The following SMOC2 variants were observed in gnomAD, a reference collection of about 807,000 sequenced individuals.
The protein encoded by SMOC2 is SPARC related modular calcium binding 2.
SMOC2 carries 39 observed loss-of-function variants against 61.4 expected under a neutral mutation model. The observed-to-expected ratio is 0.64, with a 90% CI of 0.49 to 0.83. The LOEUF (loss-of-function observed/expected upper bound fraction) is 0.83. SMOC2 is among the 40% of genes least tolerant of loss of function. The pLI is 0.00. For synonymous variants in SMOC2, 247 were observed against 239.9 expected (o/e 1.03, Z -0.27); for missense variants, 556 against 592.9 (o/e 0.94, Z 0.65).
At chr6:168,492,719 C>T (rs1274691783) in intron 1 of SMOC2, among the ~76,000 whole-genome samples, 1 of 152,206 alleles carries the variant, frequency 6.6e-6, no homozygotes, top group Non-Finnish European at 1.5e-5. Context: ...CACTGTCTCA[C>T]AGGACAAAAT....
intron 1 of SMOC2, among the ~76,000 whole-genome samples, chr6:168,506,116 T>TC (rs1282887959): frequency 2.6e-5 from 4 of 152,010 alleles, no homozygotes; most frequent in Non-Finnish European, 5.9e-5. Flanking sequence ...CAAGTGAGCC[T>TC]CCCACCTCAG....
intron 1 of SMOC2, among the ~76,000 whole-genome samples, chr6:168,507,138 C>T (rs182922382): frequency 2.6e-5 from 4 of 152,190 alleles, no homozygotes; most frequent in Non-Finnish European, 4.4e-5. Flanking sequence ...GAAAAAATGT[C>T]GAGACTGTCT....
At chr6:168,530,642 C>A (rs1448439699) in intron 4 of SMOC2, among the ~76,000 whole-genome samples, 2 of 143,872 alleles carry the variant, frequency 1.4e-5, no homozygotes, top group East Asian at 2.0e-4. Context: ...GTGCAACCCC[C>A]CCCCCCCCGC....
At chr6:168,628,966 A>G (rs1429324012) in intron 9 of SMOC2, among the ~76,000 whole-genome samples, 5 of 152,232 alleles carry the variant, frequency 3.3e-5, no homozygotes, top group Non-Finnish European at 7.3e-5. Flanking sequence ...GGCCCGGGAC[A>G]TGGGCTGCGC....
chr6:168,570,147 G>A (rs1784632528), intron 7 of SMOC2, among the ~76,000 whole-genome samples: 1 of 151,102 alleles, frequency 6.6e-6, no homozygotes, highest in Non-Finnish European at 1.5e-5. Flanking sequence ...TGGGGGTCGG[G>A]GGAGGGCTCA....
chr6:168,620,690 G>A (rs2342640), intron 9 of SMOC2, among the ~76,000 whole-genome samples: 135,719 of 152,210 alleles, frequency 0.89, 60,655 homozygotes, highest in Middle Eastern at 0.98. Flanking sequence ...GACACTGTGC[G>A]GAGAGAGGAG....
At chr6:168,454,173 C>T (rs997063285) in intron 1 of SMOC2, among the ~76,000 whole-genome samples, 2 of 152,136 alleles carry the variant, frequency 1.3e-5, no homozygotes, top group Non-Finnish European at 2.9e-5. Flanking sequence ...TCTGTGTCCT[C>T]CTGTGACTCT....
At chr6:168,623,646 T>A (rs1786307026) in intron 9 of SMOC2, among the ~76,000 whole-genome samples, 1 of 152,076 alleles carries the variant, frequency 6.6e-6, no homozygotes, top group African/African-American at 2.4e-5. Context: ...AATAATTATT[T>A]TTTTTATTTT....
At chr6:168,556,459 C>T (rs1375823414) in intron 7 of SMOC2, among the ~76,000 whole-genome samples, 1 of 152,084 alleles carries the variant, frequency 6.6e-6, no homozygotes, top group Admixed American at 6.5e-5. Context: ...GCAGACTGTG[C>T]GGGCCCTGGG....
At chr6:168,518,183 C>T (rs986139930) in intron 2 of SMOC2, among the ~76,000 whole-genome samples, 1 of 152,198 alleles carries the variant, frequency 6.6e-6, no homozygotes, top group South Asian at 2.1e-4. Context: ...CACAAGCGCC[C>T]GGGGCCGGAG....
At chr6:168,540,902 CTG>C (rs1783863680) in intron 4 of SMOC2, among the ~76,000 whole-genome samples, 1 of 152,204 alleles carries the variant, frequency 6.6e-6, no homozygotes, top group African/African-American at 2.4e-5. Flanking sequence ...CCTCTCACGT[CTG>C]TGCCGCAGAC....
chr6:168,626,888 C>T (rs1786426260), intron 9 of SMOC2, among the ~76,000 whole-genome samples: 1 of 152,158 alleles, frequency 6.6e-6, no homozygotes, highest in Admixed American at 6.5e-5. Flanking sequence ...CCTGACAGCC[C>T]AGTTCTCTGT....
intron 1 of SMOC2, among the ~76,000 whole-genome samples, chr6:168,448,101 C>T (rs1375185355): frequency 6.6e-6 from 1 of 152,160 alleles, no homozygotes; most frequent in Non-Finnish European, 1.5e-5. Flanking sequence ...CCACATCAGG[C>T]CCAAACCGAC....
rs567395635 is a variant in SMOC2 at position 168,454,893 on chromosome 6, G to T, written c.84+13439G>T. ...CTACAGGTGCACATCCTGTGGCCGG[G>T]GTCCCTGTGGCCAGGGTCCCGGTTT... On this transcript the variant is annotated intron_variant, in intron 1 of 12. Coordinates refer to ENST00000356284, the MANE Select transcript of SMOC2 (RefSeq NM_001166412.2). Among the ~76,000 whole-genome samples the T allele has an allele frequency of 3.9e-5, 6 of 152,264 alleles. No homozygotes were observed. In the East Asian group the frequency reaches 1.2e-3, roughly 30 times the overall value.
chr6:168,599,309 A>ACAC lies in SMOC2; in HGVS notation c.824+306_824+307insACC, dbSNP rs1554247691. ...CCACACACACACATACCACACACAC[A>ACAC]CCCCCACACTGTTTCACACACACTC... On this transcript the variant is annotated intron_variant, in intron 8 of 12. Transcript: ENST00000356284. Among the ~76,000 whole-genome samples, 9 of 101,690 alleles carry ACAC rather than the reference A, an allele frequency of 8.9e-5. No individual in the cohort carries two copies. In the South Asian group the frequency reaches 9.5e-4, roughly 11 times the overall value. The allele number at this position is 101,690 out of a possible 152,430, so 66.7% of individuals were successfully genotyped here. A position where few individuals can be genotyped will look rare whatever the true frequency, so the allele number is the denominator to read the frequency against.
In SMOC2 at chr6:168,652,984, A is replaced by G. The variant is rs1787234000; in HGVS notation, c.1041A>G (p.Leu347=). ...CAGAACCCGACCCCAGCCATACCCT[A>G]GAGGAGCGGGTGGTGCACTGGTACT... ...RLSEPDPSHT[L]EERVVHWYFK... Residue 347 remains leucine, a synonymous_variant, in exon 11 of 13, where the codon CTA becomes CTG. Transcript: ENST00000356284. 2 of 1,613,882 alleles carry G rather than the reference A, an allele frequency of 1.2e-6. No individual in the cohort carries two copies. Among genetic ancestry groups the G allele is most frequent in the South Asian group, 1.1e-5 (1 of 91,062 alleles).
intron 9 of SMOC2, among the ~76,000 whole-genome samples, chr6:168,640,392 C>G (rs1450350834): frequency 6.6e-6 from 1 of 152,076 alleles, no homozygotes; most frequent in Non-Finnish European, 1.5e-5. Context: ...CTGCTGCATT[C>G]CCGGGGGCTG....
chr6:168,558,812 T>C lies in SMOC2; in HGVS notation c.637+9609T>C, dbSNP rs565703215. Among the ~76,000 whole-genome samples, 559 of 152,006 alleles carry C rather than the reference T, an allele frequency of 3.7e-3. 3 individuals are homozygous for C. Among genetic ancestry groups the C allele is most frequent in the African/African-American group, 0.013 (538 of 41,480 alleles). On this transcript the variant is annotated intron_variant, in intron 7 of 12. Transcript: ENST00000356284. ...GTGGGTGTGCGTGTGCGCATGTGTG[T>C]GTGTGCGTATGTGCATGTGTGTGCA...
At chr6:168,442,184 G>T (rs1035925005) in intron 1 of SMOC2, among the ~76,000 whole-genome samples, 5 of 152,268 alleles carry the variant, frequency 3.3e-5, no homozygotes, top group African/African-American at 1.2e-4. Context: ...GGAGGCAGGC[G>T]GCGGCTCCCC....
Sources: allele counts gnomAD v4.1 joint callset (sites outside exome capture counted in the v4.1 genomes callset), GRCh38; gene constraint gnomAD v4.1.1; transcripts MANE v1.5; gene names NCBI Gene and HGNC (gene_info 2026-07-23, HGNC 2026-07-21).